The following IGF2R variants were observed in gnomAD, a reference collection of about 807,000 sequenced individuals.
The protein encoded by IGF2R is cation-independent mannose-6-phosphate receptor.
IGF2R carries 91 observed loss-of-function variants against 270.6 expected under a neutral mutation model. The observed-to-expected ratio is 0.34, with a 90% confidence interval of 0.28 to 0.40. The LOEUF (loss-of-function observed/expected upper bound fraction) is 0.40, where lower values mean the gene tolerates loss of function less well. Ranked by LOEUF, IGF2R falls within the 10% of genes least tolerant of loss-of-function variation. The probability of loss-of-function intolerance (pLI) is 1.00; values close to 1 mark genes in which losing one functional copy is unlikely to be tolerated. For missense variants in IGF2R, 2,805 were observed against 3,188.3 expected, an observed-to-expected ratio of 0.88 and a Z score of 2.90; for synonymous variants, 1,316 against 1,258.9, an observed-to-expected ratio of 1.05 and a Z score of -0.96.
At position 160,073,823 on chromosome 6, in the gene IGF2R, G is replaced by A. The variant is rs1251242695; in HGVS notation, c.5014G>A (p.Gly1672Ser). 1.2e-6 allele frequency: 2 copies of A among 1,613,986 alleles called. No individual in the cohort carries two copies. The highest frequency in any genetic ancestry group is 1.1e-5 in the South Asian group (1 of 91,088). ...DLSPLIHRTG[G>S]YEAYDESEDD... ...GTCTCCCCTTATTCATCGCACTGGT[G>A]GTTATGAGGCTTATGATGAGAGTGA... The change falls in exon 35 of 48, where the codon GGT becomes AGT. Residue 1672 changes from glycine to serine, a missense_variant. Transcript: ENST00000356956.
At chr6:160,065,719 A>G (rs1026286830) in intron 29 of IGF2R, among the ~76,000 whole-genome samples, 3 of 150,578 alleles carry the variant, frequency 2.0e-5, no homozygotes, top group African/African-American at 7.3e-5. Context: ...TCTGATATTT[A>G]TATACAAGGA....
intron 11 of IGF2R, among the ~76,000 whole-genome samples, chr6:160,042,639 T>C (rs1476250368): frequency 1.3e-5 from 2 of 152,204 alleles, no homozygotes; most frequent in African/African-American, 4.8e-5. Context: ...GTACCTTGCT[T>C]GTCTTCTGTG....
In IGF2R at chr6:160,068,023, A is replaced by G. The variant is rs140107700; in HGVS notation, c.4116-226A>G. Among the ~76,000 whole-genome samples, 351 of 150,566 alleles carry G rather than the reference A, an allele frequency of 2.3e-3. 2 individuals carry two copies. The highest frequency in any genetic ancestry group is 8.4e-3 in the African/African-American group (340 of 40,638). On this transcript the variant is annotated intron_variant, in intron 29 of 47. Coordinates refer to ENST00000356956, the MANE Select transcript of IGF2R (RefSeq NM_000876.4). ...AGTGAGCCTAATAGTTTCCTGAACT[A>G]TTATGTTCAGGGAAGTTATGTTGTT...
intron 41 of IGF2R, among the ~76,000 whole-genome samples, chr6:160,087,775 A>G (rs1779126598): frequency 1.3e-5 from 2 of 152,312 alleles, no homozygotes; most frequent in South Asian, 4.1e-4. Context: ...TCCCGGGTTC[A>G]AGCAATTCTC....
At chr6:159,971,735 ACTC>A in intron 1 of IGF2R, among the ~76,000 whole-genome samples, 1 of 152,148 alleles carries the variant, frequency 6.6e-6, no homozygotes, top group Admixed American at 6.5e-5. Flanking sequence ...ACAGTCGTGA[ACTC>A]CTGGGCTCAG....
At chr6:160,092,361 C>T (rs1230728526) in intron 44 of IGF2R, among the ~76,000 whole-genome samples, 1 of 152,266 alleles carries the variant, frequency 6.6e-6, no homozygotes, top group Non-Finnish European at 1.5e-5. Context: ...CTCCATCGCG[C>T]AGCACTGGCC....
At position 160,103,882 on chromosome 6, in the gene IGF2R, C is replaced by A. The variant is rs8191950; in HGVS notation, c.7065+67C>A. On this transcript the variant is annotated intron_variant, in intron 47 of 47. Transcript: ENST00000356956. The stretch of plus-strand genomic sequence containing the variant: ...GCCCCCTGTGCTGCGCTGTCCATGT[C>A]GTTCTCATCAGGGGTGCCAAGGAAA... 5 of 1,097,476 alleles carry A rather than the reference C, an allele frequency of 4.6e-6. No homozygotes were observed. In the Admixed American group the frequency reaches 6.9e-5, roughly 15 times the overall value. The allele number at this position is 1,097,476 out of a possible 1,614,324, so 68.0% of individuals were successfully genotyped here.
rs1199499454 is a variant in IGF2R at position 160,102,624 on chromosome 6, G to A, written c.6948G>A (p.Ala2316=). ...VGAVLSLLLV[A]LTCCLLALLL... The stretch of plus-strand genomic sequence containing the variant: ...CGGTGCTCAGCCTGCTGCTGGTGGC[G>A]CTCACCTGCTGCCTGCTGGCCCTGT... The change falls in exon 46 of 48, where the codon GCG becomes GCA. Residue 2316 remains alanine, a synonymous_variant. Transcript: ENST00000356956. This position sits in a 1 kb window ranked among gnomAD's most constrained non-coding sequence, Gnocchi z 4.5. The A allele has an allele frequency of 2.5e-6, 4 of 1,612,618 alleles. No homozygotes were observed. Among genetic ancestry groups the A allele is most frequent in the Admixed American group, 3.3e-5 (2 of 59,836 alleles).
intron 44 of IGF2R, among the ~76,000 whole-genome samples, chr6:160,091,921 A>G (rs1779235806): frequency 6.6e-6 from 1 of 152,206 alleles, no homozygotes; most frequent in Non-Finnish European, 1.5e-5. Flanking sequence ...CACATGCCTC[A>G]GCCATCAGGT....
At chr6:160,073,141 C>T (rs544389084) in intron 33 of IGF2R, 72 bp from the exon 34 acceptor site, 90 of 1,574,012 alleles carry the variant, frequency 5.7e-5, no homozygotes, top group Middle Eastern at 3.4e-4. Flanking sequence ...TCCTGACTTG[C>T]GAAAGTTCTC....
In IGF2R at chr6:160,107,941, C is replaced by CT. The variant is rs1779657620; in HGVS notation, c.*2858dup. 6.6e-6 allele frequency: 1 copy of CT among 152,352 alleles called. No homozygotes were observed. Among genetic ancestry groups the CT allele is most frequent in the East Asian group, 1.9e-4 (1 of 5,188 alleles). 9.4% of individuals were successfully genotyped at this position (152,352 alleles called of 1,614,324 possible). A position where few individuals can be genotyped will look rare whatever the true frequency, so the allele number is the denominator to read the frequency against. ...CCTACAAACAAGGACCTTCACACGA[C>CT]TAAGATGCCACCTGGTGATTAAAGA... is the stretch of plus-strand genomic sequence containing the variant. On this transcript the variant is annotated 3_prime_UTR_variant, in exon 48 of 48. Coordinates refer to ENST00000356956, the MANE Select transcript of IGF2R (RefSeq NM_000876.4).
At chr6:160,048,968 G>A (rs898049233) in intron 18 of IGF2R, among the ~76,000 whole-genome samples, 66 of 152,186 alleles carry the variant, frequency 4.3e-4, no homozygotes, top group Non-Finnish European at 1.5e-4. Flanking sequence ...GCTCTCATTC[G>A]CTGCAGTTCG....
chr6:160,046,205 C>T (rs968800965), intron 14 of IGF2R, among the ~76,000 whole-genome samples: 3 of 152,210 alleles, frequency 2.0e-5, no homozygotes, highest in Admixed American at 6.5e-5. Context: ...ATATCATGCT[C>T]GTCCTACTTT....
chr6:160,053,612 G>A (rs543506356), intron 19 of IGF2R, among the ~76,000 whole-genome samples: 2 of 151,630 alleles, frequency 1.3e-5, no homozygotes, highest in African/African-American at 4.9e-5. Flanking sequence ...TTTTAATTGG[G>A]GTAAAATATA....
Position 160,079,614 on chromosome 6 carries a change from T to C in IGF2R, c.5513T>C (p.Val1838Ala). 6.5e-7 allele frequency: 1 copy of C among 1,533,138 alleles called. No homozygotes were observed. Among genetic ancestry groups the C allele is most frequent in the Non-Finnish European group, 8.8e-7 (1 of 1,140,644 alleles). 95.0% of individuals were successfully genotyped at this position (1,533,138 alleles called of 1,614,324 possible). Residue 1838 changes from valine (V) to alanine (A), a missense_variant, in exon 38 of 48, where the codon GTG (valine) becomes GCG (alanine). By Grantham distance (64) the Val-to-Ala change is moderately conservative. This residue lies in a region of IGF2R where 1,851 missense variants were observed against 2,207.2 expected (regional missense o/e 0.84). Coordinates refer to ENST00000356956, the MANE Select transcript of IGF2R (RefSeq NM_000876.4). Reference protein sequence around the residue: ...TRDSRTYSVGVCTFAVGPEQG... With the variant: ...TRDSRTYSVGACTFAVGPEQG... ...GACTCGCGCACCTACAGCGTTGGGGTGTGCACCTTTGCAGTCGGGCCAGAA... is the reference window on the plus strand; with the variant it reads ...GACTCGCGCACCTACAGCGTTGGGGCGTGCACCTTTGCAGTCGGGCCAGAA...
chr6:159,972,113 AT>A (rs908718904), intron 1 of IGF2R, among the ~76,000 whole-genome samples: 164 of 150,644 alleles, frequency 1.1e-3, no homozygotes, highest in East Asian at 3.7e-3. Flanking sequence ...ATGTAAGTTG[AT>A]TTTTTTTTTA....
rs528835682 is a variant in IGF2R at position 160,067,104 on chromosome 6, T to C, written c.4116-1145T>C. 2.6e-5 allele frequency among the ~76,000 whole-genome samples: 4 copies of C among 152,314 alleles called. No homozygotes were observed. In the South Asian group the frequency reaches 8.3e-4, roughly 32 times the overall value. The stretch of plus-strand genomic sequence containing the variant: ...ATTGGGACCTACAGGCTGAAGTTCT[T>C]CCTCTGATGGACATGACCCCCGTGT... On this transcript the variant is annotated intron_variant, in intron 29 of 47. Transcript: ENST00000356956.
In IGF2R at chr6:160,096,545, C is replaced by G; in HGVS notation, c.6762C>G (p.Asp2254Glu). 6.2e-7 allele frequency: 1 copy of G among 1,614,104 alleles called. No individual in the cohort carries two copies. Among genetic ancestry groups the G allele is most frequent in the Non-Finnish European group, 8.5e-7 (1 of 1,179,970 alleles). The change falls in exon 45 of 48, where the codon GAC becomes GAG. Residue 2254 changes from aspartate (D) to glutamate (E), a missense_variant. This residue lies in a region of IGF2R where 1,851 missense variants were observed against 2,207.2 expected (regional missense o/e 0.84). Coordinates refer to ENST00000356956, the MANE Select transcript of IGF2R (RefSeq NM_000876.4). ...TCCACTGTGACCCTCTGGTGGAGGA[C>G]GGGATCCCCGAGTTCAGTCACGAGA... ...IFFHCDPLVEDGIPEFSHETA... is the reference protein window; with the variant it reads ...IFFHCDPLVEEGIPEFSHETA...
intron 1 of IGF2R, among the ~76,000 whole-genome samples, chr6:159,988,290 C>T (rs564839993): frequency 1.4e-4 from 22 of 152,008 alleles, no homozygotes; most frequent in Non-Finnish European, 2.9e-4. Flanking sequence ...CTGAGGCAGG[C>T]GGATCACGAG....
Sources: allele counts gnomAD v4.1 joint callset (sites outside exome capture counted in the v4.1 genomes callset), GRCh38; gene constraint gnomAD v4.1.1; regional missense constraint gnomAD v4.1.1; non-coding constraint Gnocchi (gnomAD v3.1); transcripts MANE v1.5; gene names NCBI Gene and HGNC (gene_info 2026-07-23, HGNC 2026-07-21).